RAB3GAP2: variants seen among roughly 807,000 people sequenced by gnomAD.
RAB3GAP2 encodes RAB3 GTPase activating non-catalytic protein subunit 2.
A neutral mutation model predicts 185.3 loss-of-function variants in RAB3GAP2; 87 were observed. That is an observed-to-expected ratio of 0.47 (90% CI 0.39 to 0.56). The LOEUF (loss-of-function observed/expected upper bound fraction) is 0.56. Ranked by LOEUF, RAB3GAP2 falls within the 20% of genes least tolerant of loss-of-function variation. The pLI is 0.00. For synonymous variants in RAB3GAP2, 554 were observed against 576.1 expected, an observed-to-expected ratio of 0.96 and a Z score of 0.55; for missense variants, 1,492 against 1,638.2, an observed-to-expected ratio of 0.91 and a Z score of 1.54.
chr1:220,197,454 T>C (rs1016948709), intron 9 of RAB3GAP2, among the ~76,000 whole-genome samples: 1 of 152,218 alleles, frequency 6.6e-6, no homozygotes, highest in African/African-American at 2.4e-5. Context: ...ACTGGCTTTA[T>C]AGGAATTAAA....
chr1:220,188,636 C>T (rs1571889940), intron 17 of RAB3GAP2, among the ~76,000 whole-genome samples: 1 of 152,264 alleles, frequency 6.6e-6, no homozygotes, highest in Non-Finnish European at 1.5e-5. Context: ...AAACAATTTG[C>T]CATCAACTAG....
Position 220,159,436 on chromosome 1 carries a change from T to A in RAB3GAP2, c.3226-15A>T. The A allele has an allele frequency of 6.4e-7, 1 of 1,558,096 alleles. No individual in the cohort carries two copies. Among genetic ancestry groups the A allele is most frequent in the Non-Finnish European group, 8.8e-7 (1 of 1,131,084 alleles). Reference sequence around the variant, plus strand: ...GATTTTCCAACCTAAAATAAAAAGATAAAATGTTGTAACATTTAATAATTT... The same window carrying A: ...GATTTTCCAACCTAAAATAAAAAGAAAAAATGTTGTAACATTTAATAATTT... On this transcript the variant is annotated splice_polypyrimidine_tract_variant and intron_variant, in intron 28 of 34. Transcript: ENST00000358951.
intron 7 of RAB3GAP2, chr1:220,207,633 C>T (rs1408688427): frequency 1.3e-5 from 2 of 152,260 alleles, no homozygotes; most frequent in East Asian, 3.9e-4. Context: ...CCAGTGATCA[C>T]AGCAGCAGGG....
intron 6 of RAB3GAP2, 98 bp from the exon 7 acceptor site, chr1:220,210,587 C>A: frequency 9.5e-7 from 1 of 1,048,400 alleles, no homozygotes; most frequent in East Asian, 2.4e-5. Context: ...AACAGTTTTC[C>A]AGAGATACCA....
intron 17 of RAB3GAP2, among the ~76,000 whole-genome samples, chr1:220,185,983 A>T (rs559919736): frequency 6.6e-6 from 1 of 152,326 alleles, no homozygotes; most frequent in African/African-American, 2.4e-5. Context: ...AACAACTAGA[A>T]GGCAACTGCT....
intron 17 of RAB3GAP2, among the ~76,000 whole-genome samples, chr1:220,188,272 T>C (rs1234149730): frequency 6.6e-6 from 1 of 152,106 alleles, no homozygotes; most frequent in African/African-American, 2.4e-5. Flanking sequence ...TTGAAGGAGC[T>C]TAAAAGACCT....
At chr1:220,199,740 T>C (rs1658806407) in intron 9 of RAB3GAP2, among the ~76,000 whole-genome samples, 2 of 152,172 alleles carry the variant, frequency 1.3e-5, no homozygotes, top group African/African-American at 2.4e-5. Context: ...ATCCAGCCCG[T>C]TGCTCAAACT....
intron 21 of RAB3GAP2, among the ~76,000 whole-genome samples, chr1:220,174,914 G>C (rs1023961135): frequency 3.3e-5 from 5 of 152,114 alleles, no homozygotes; most frequent in African/African-American, 1.2e-4. Flanking sequence ...TTATTTATCA[G>C]GGGAATTTCC....
intron 2 of RAB3GAP2, among the ~76,000 whole-genome samples, chr1:220,223,901 A>C (rs1353803908): frequency 6.7e-6 from 1 of 148,576 alleles, no homozygotes; most frequent in African/African-American, 2.5e-5. Flanking sequence ...CCCATCTGTA[A>C]AAAAAAAAAA....
At chr1:220,220,915 G>A (rs528608554) in intron 2 of RAB3GAP2, among the ~76,000 whole-genome samples, 2 of 152,248 alleles carry the variant, frequency 1.3e-5, no homozygotes, top group South Asian at 4.1e-4. Context: ...CCAGTCTCAG[G>A]TATGTCTTTA....
intron 27 of RAB3GAP2, among the ~76,000 whole-genome samples, chr1:220,163,432 T>G (rs1658000924): frequency 6.6e-6 from 1 of 150,650 alleles, no homozygotes. Context: ...GAGTGATCTC[T>G]GCTCACTGCA....
At chr1:220,232,718 C>T in intron 2 of RAB3GAP2, 81 bp downstream of exon 2, 1 of 1,272,200 alleles carries the variant, frequency 7.9e-7, no homozygotes, top group Non-Finnish European at 1.1e-6. Flanking sequence ...AAAATGTCAG[C>T]TTGACAGGGA....
In RAB3GAP2 at chr1:220,193,221, G is replaced by A; in HGVS notation, c.1270+19C>T. The A allele has an allele frequency of 6.2e-7, 1 of 1,613,458 alleles. No individual in the cohort carries two copies. Among genetic ancestry groups the A allele is most frequent in the South Asian group, 1.1e-5 (1 of 91,052 alleles). ...TAAAAAGTGAATTAATTGTTTTTCT[G>A]GATTTTTGTAAGAAGTACCTTTCCA... On this transcript the variant is annotated intron_variant, in intron 13 of 34. Coordinates refer to ENST00000358951, the MANE Select transcript of RAB3GAP2 (RefSeq NM_012414.4).
intron 1 of RAB3GAP2, among the ~76,000 whole-genome samples, chr1:220,248,329 G>C (rs1659857708): frequency 6.6e-6 from 1 of 152,090 alleles, no homozygotes; most frequent in African/African-American, 2.4e-5. Context: ...CTGTGTACTT[G>C]AAATTAGCTA....
chr1:220,174,821 C>T (rs1427743008), intron 21 of RAB3GAP2, among the ~76,000 whole-genome samples: 2 of 152,132 alleles, frequency 1.3e-5, no homozygotes, highest in Non-Finnish European at 2.9e-5. Flanking sequence ...ACTGTCACAA[C>T]AATGGGATCA....
chr1:220,209,530 G>A (rs1431776019), intron 7 of RAB3GAP2, among the ~76,000 whole-genome samples: 1 of 152,002 alleles, frequency 6.6e-6, no homozygotes, highest in African/African-American at 2.4e-5. Flanking sequence ...TGTACAGACT[G>A]TATTCTGTCC....
intron 28 of RAB3GAP2, among the ~76,000 whole-genome samples, chr1:220,161,886 C>T (rs1212419118): frequency 1.3e-5 from 2 of 152,158 alleles, no homozygotes; most frequent in African/African-American, 4.8e-5. Context: ...GGCCTTACAT[C>T]AAAGATTGGT....
At chr1:220,249,050 C>T (rs1188366003) in intron 1 of RAB3GAP2, among the ~76,000 whole-genome samples, 3 of 152,152 alleles carry the variant, frequency 2.0e-5, no homozygotes, top group African/African-American at 4.8e-5. Flanking sequence ...CAAACTAATA[C>T]AGTAAATTGG....
Position 220,233,766 on chromosome 1 carries a change from T to A in RAB3GAP2, c.116-903A>T, listed in dbSNP as rs1571919633. On this transcript the variant is annotated intron_variant, in intron 1 of 34. Transcript: ENST00000358951. The stretch of plus-strand genomic sequence containing the variant: ...TCCAGGCTAGAGTACAATAGCGCAA[T>A]CTTGGCTCACTGCAACCTCTGCCTC... Among the ~76,000 whole-genome samples the A allele has an allele frequency of 2.0e-5, 3 of 152,070 alleles. 1 individual carries two copies. The South Asian group carries it at 6.2e-4, about 32-fold the overall frequency.
Sources: allele counts gnomAD v4.1 joint callset (sites outside exome capture counted in the v4.1 genomes callset), GRCh38; gene constraint gnomAD v4.1.1; transcripts MANE v1.5; gene names NCBI Gene and HGNC (gene_info 2026-07-23, HGNC 2026-07-21).